The following ARHGAP15 variants were observed in gnomAD, a reference collection of about 807,000 sequenced individuals.
ARHGAP15 encodes rho GTPase-activating protein 15.
ARHGAP15 carries 51 observed loss-of-function variants against 63.7 expected under a neutral mutation model. That is an observed-to-expected ratio of 0.80 (90% CI 0.64 to 1.01). The LOEUF (loss-of-function observed/expected upper bound fraction) is 1.01. Among genes scored for constraint, ARHGAP15 ranks in the 50% least tolerant of loss-of-function variants. The probability of loss-of-function intolerance (pLI) is 0.00; values close to 1 mark genes in which losing one functional copy is unlikely to be tolerated. For missense variants in ARHGAP15, 560 were observed against 564.6 expected, an observed-to-expected ratio of 0.99 and a Z score of 0.08; for synonymous variants, 191 against 193.8, an observed-to-expected ratio of 0.99 and a Z score of 0.12.
chr2:143,380,323 C>T lies in ARHGAP15; in HGVS notation c.475-55278C>T, dbSNP rs140564515. On this transcript the variant is annotated intron_variant, in intron 6 of 13. Coordinates refer to ENST00000295095, the MANE Select transcript of ARHGAP15 (RefSeq NM_018460.4). The stretch of plus-strand genomic sequence containing the variant: ...ATGACTTAATAACAGGAATAGCTAC[C>T]ATTGATTTGATTGCCTGGGTGCTTT... Among the ~76,000 whole-genome samples, 318 of 152,152 alleles carry T rather than the reference C, an allele frequency of 2.1e-3. 1 individual carries two copies. The highest frequency in any genetic ancestry group is 6.0e-3 in the African/African-American group (250 of 41,544).
intron 9 of ARHGAP15, among the ~76,000 whole-genome samples, chr2:143,496,808 G>C (rs1489398869): frequency 6.6e-6 from 1 of 152,184 alleles, no homozygotes. Flanking sequence ...AATGTAAAAT[G>C]AATAAAACCC....
intron 3 of ARHGAP15, 43 bp from the exon 4 acceptor site, chr2:143,216,341 A>G (rs938636422): frequency 1.4e-6 from 2 of 1,447,078 alleles, no homozygotes; most frequent in Non-Finnish European, 1.9e-6. Flanking sequence ...TCAACAATGC[A>G]TAGTAGTTTG....
At chr2:143,610,056 T>A (rs1456103390) in intron 11 of ARHGAP15, among the ~76,000 whole-genome samples, 1 of 152,004 alleles carries the variant, frequency 6.6e-6, no homozygotes, top group African/African-American at 2.4e-5. Flanking sequence ...TGGTTCTTGC[T>A]TGGGAATATC....
chr2:143,695,154 A>T (rs1271954135), intron 12 of ARHGAP15, among the ~76,000 whole-genome samples: 6 of 152,336 alleles, frequency 3.9e-5, no homozygotes, highest in Non-Finnish European at 7.3e-5. Context: ...TTTAATTAAA[A>T]AAAAGGTTGT....
At chr2:143,460,162 C>T (rs534933095) in intron 8 of ARHGAP15, among the ~76,000 whole-genome samples, 1 of 152,166 alleles carries the variant, frequency 6.6e-6, no homozygotes, top group South Asian at 2.1e-4. Context: ...ATGTTTGTTT[C>T]CAATATCAGA....
At chr2:143,422,655 A>G (rs2105056354) in intron 6 of ARHGAP15, among the ~76,000 whole-genome samples, 1 of 152,240 alleles carries the variant, frequency 6.6e-6, no homozygotes, top group South Asian at 2.1e-4. Flanking sequence ...GGTGCCTTGA[A>G]CGCAAGTATG....
chr2:143,539,358 G>GT (rs199504199), intron 10 of ARHGAP15, among the ~76,000 whole-genome samples: 73,164 of 151,284 alleles, frequency 0.48, 18,119 homozygotes, highest in African/African-American at 0.58. Context: ...TTTTTGAAGG[G>GT]TTTTTTGTGT....
chr2:143,193,486 G>A (rs535738883), intron 2 of ARHGAP15: 1 of 152,710 alleles, frequency 6.5e-6, no homozygotes, highest in East Asian at 1.9e-4. Context: ...CTGCTTTTTC[G>A]GCAGCAGAAG....
intron 10 of ARHGAP15, among the ~76,000 whole-genome samples, chr2:143,546,286 A>G (rs571864372): frequency 6.6e-6 from 1 of 152,348 alleles, no homozygotes; most frequent in Non-Finnish European, 1.5e-5. Context: ...GATGGCAAAT[A>G]TATGAATTTT....
intron 8 of ARHGAP15, among the ~76,000 whole-genome samples, chr2:143,445,973 CAA>C (rs1381000487): frequency 6.6e-6 from 1 of 151,804 alleles, no homozygotes; most frequent in East Asian, 1.9e-4. Flanking sequence ...CAAAAGTTAT[CAA>C]AGTGTTAGCC....
intron 13 of ARHGAP15, among the ~76,000 whole-genome samples, chr2:143,751,311 G>C (rs375190377): frequency 6.6e-6 from 1 of 152,166 alleles, no homozygotes; most frequent in Non-Finnish European, 1.5e-5. Context: ...CTGGGGTGAG[G>C]TGGCTCTCTT....
chr2:143,556,325 T>G, intron 10 of ARHGAP15, 83 bp from the exon 11 acceptor site: 1 of 1,050,052 alleles, frequency 9.5e-7, no homozygotes, highest in Non-Finnish European at 1.4e-6. Flanking sequence ...AGATATTTGA[T>G]TTACTCCTTC....
At chr2:143,754,244 G>A (rs747593940) in intron 13 of ARHGAP15, among the ~76,000 whole-genome samples, 1 of 152,124 alleles carries the variant, frequency 6.6e-6, no homozygotes, top group Non-Finnish European at 1.5e-5. Flanking sequence ...TTAATACCAT[G>A]AGCCAAATAC....
intron 6 of ARHGAP15, among the ~76,000 whole-genome samples, chr2:143,417,546 G>T (rs184217533): frequency 2.6e-5 from 4 of 152,092 alleles, no homozygotes; most frequent in Non-Finnish European, 5.9e-5. Context: ...TTTAATTGTT[G>T]CCACATTCTT....
At chr2:143,138,776 A>G (rs1430836424) in intron 1 of ARHGAP15, among the ~76,000 whole-genome samples, 3 of 152,174 alleles carry the variant, frequency 2.0e-5, no homozygotes, top group Admixed American at 6.6e-5. Flanking sequence ...TTAAGTGTAA[A>G]ATAAACACCA....
intron 10 of ARHGAP15, among the ~76,000 whole-genome samples, chr2:143,546,242 T>TAA (rs367559885): frequency 1.9e-4 from 29 of 151,994 alleles, no homozygotes; most frequent in African/African-American, 6.3e-4. Context: ...GTTTAGATGT[T>TAA]AAAAAAAATA....
At chr2:143,316,401 C>T (rs1003422904) in intron 6 of ARHGAP15, among the ~76,000 whole-genome samples, 10 of 151,540 alleles carry the variant, frequency 6.6e-5, no homozygotes, top group Non-Finnish European at 1.5e-4. Context: ...AGAAGAACTC[C>T]CCAGCACTTG....
At chr2:143,736,181 T>G (rs746488830) in intron 13 of ARHGAP15, among the ~76,000 whole-genome samples, 10 of 152,126 alleles carry the variant, frequency 6.6e-5, no homozygotes, top group Non-Finnish European at 1.2e-4. Flanking sequence ...GTGGATCACC[T>G]GAGGTCAGGA....
At chr2:143,673,059 C>G (rs1682608383) in intron 12 of ARHGAP15, among the ~76,000 whole-genome samples, 1 of 152,070 alleles carries the variant, frequency 6.6e-6, no homozygotes, top group Non-Finnish European at 1.5e-5. Context: ...ACAATACGAG[C>G]CCCATGATTG....
Sources: gnomAD v4.1 joint callset for allele counts (sites outside exome capture counted in the v4.1 genomes callset) on GRCh38, gnomAD v4.1.1 for gene constraint, MANE v1.5 for transcripts, NCBI Gene and HGNC (gene_info 2026-07-23, HGNC 2026-07-21) for gene names.